The following ABLIM2 variants were observed in gnomAD, a reference collection of about 807,000 sequenced individuals.
ABLIM2 encodes actin binding LIM protein family member 2, also known as actin-binding LIM protein 2.
Under a neutral mutation model 97.7 loss-of-function variants are expected in ABLIM2, and 53 were observed. The ratio of observed to expected loss-of-function variants is 0.54; its 90% confidence interval spans 0.44 to 0.68. ABLIM2 has a LOEUF of 0.68. ABLIM2 is among the 30% of genes least tolerant of loss of function. The pLI is 0.00. For missense variants in ABLIM2, 835 were observed against 867.2 expected (o/e 0.96, Z 0.47); for synonymous variants, 361 against 345.8 (o/e 1.04, Z -0.49).
intron 8 of ABLIM2, among the ~76,000 whole-genome samples, chr4:8,050,801 C>A (rs2151903197): frequency 6.6e-6 from 1 of 152,358 alleles, no homozygotes; most frequent in African/African-American, 2.4e-5. Flanking sequence ...GGGAGCCACG[C>A]CAGTCCCTGG....
At position 8,032,164 on chromosome 4, in the gene ABLIM2, G is replaced by A. The variant is rs1579196362; in HGVS notation, c.1048-2388C>T. Among the ~76,000 whole-genome samples the A allele has an allele frequency of 6.6e-6, 1 of 150,874 alleles. No individual in the cohort carries two copies. The highest frequency in any genetic ancestry group is 6.6e-5 in the Admixed American group (1 of 15,166). On this transcript the variant is annotated intron_variant, in intron 10 of 20. Coordinates refer to ENST00000447017, the MANE Select transcript of ABLIM2 (RefSeq NM_001130083.2). The surrounding 1 kb of genome is among the most constrained non-coding windows in gnomAD (Gnocchi z 4.3). ...GGCCGCACAGACTGCAGTCTGATTG[G>A]CAGCTCTCTATGTCACTGATTAATT...
intron 1 of ABLIM2, among the ~76,000 whole-genome samples, chr4:8,151,108 A>G (rs1272802113): frequency 6.6e-6 from 1 of 152,112 alleles, no homozygotes; most frequent in Non-Finnish European, 1.5e-5. Flanking sequence ...GGGCATTTAA[A>G]CAATCCGCTT....
At chr4:8,055,256 C>T (rs1233610596) in intron 7 of ABLIM2, among the ~76,000 whole-genome samples, 1 of 152,224 alleles carries the variant, frequency 6.6e-6, no homozygotes, top group Non-Finnish European at 1.5e-5. Flanking sequence ...ACCTTCCCAT[C>T]CTTCAGGATC....
chr4:8,005,429 C>T lies in ABLIM2; in HGVS notation c.1618+2630G>A, dbSNP rs199719260. 1.1e-4 allele frequency: 57 copies of T among 533,166 alleles called. No homozygotes were observed. Among genetic ancestry groups the T allele is most frequent in the African/African-American group, 2.1e-4 (11 of 51,904 alleles). The allele number at this position is 533,166 out of a possible 1,614,324, so 33.0% of individuals were successfully genotyped here. ...TTGGGCGCGCTACAGATGGACGTCC[C>T]GGGGTGCAGGTGGCGTGCCTTGCTG... On this transcript the variant is annotated intron_variant, in intron 16 of 20. Coordinates refer to ENST00000447017, the MANE Select transcript of ABLIM2 (RefSeq NM_001130083.2). The surrounding 1 kb of genome is among the most constrained non-coding windows in gnomAD (Gnocchi z 4.9).
chr4:8,078,818 A>G (rs1208863740), intron 5 of ABLIM2, among the ~76,000 whole-genome samples: 1 of 152,226 alleles, frequency 6.6e-6, no homozygotes, highest in Non-Finnish European at 1.5e-5. Context: ...GTCATTACTA[A>G]CCAGGGCTGT....
At chr4:8,153,860 G>A (rs990366618) in intron 1 of ABLIM2, among the ~76,000 whole-genome samples, 1 of 152,160 alleles carries the variant, frequency 6.6e-6, no homozygotes, top group Non-Finnish European at 1.5e-5. Flanking sequence ...GATGGGCACC[G>A]ACGGCACTTC....
chr4:7,966,500 A>G lies in ABLIM2; in HGVS notation c.*490T>C. The G allele has an allele frequency of 6.2e-6, 1 of 161,274 alleles. No individual in the cohort carries two copies. The highest frequency in any genetic ancestry group is 1.4e-5 in the Non-Finnish European group (1 of 73,084). The allele number at this position is 161,274 out of a possible 1,614,324, so 10.0% of individuals were successfully genotyped here. ...CACCCCACTCTTGGCACTGTCCCAGACGCTCACTGCCCCGTCTGCGAGTCT... is the reference window on the plus strand; with the variant it reads ...CACCCCACTCTTGGCACTGTCCCAGGCGCTCACTGCCCCGTCTGCGAGTCT... On this transcript the variant is annotated 3_prime_UTR_variant, in exon 21 of 21. Transcript: ENST00000447017.
intron 2 of ABLIM2, 25 bp from the exon 3 acceptor site, chr4:8,097,307 G>A (rs1461701338): frequency 8.4e-6 from 13 of 1,550,368 alleles, no homozygotes; most frequent in Admixed American, 7.9e-5. Flanking sequence ...GCGAGGTGGC[G>A]TTAGCGGCAG....
rs539964447 is a variant in ABLIM2 at position 8,155,573 on chromosome 4, A to T, written c.10+3107T>A. Among the ~76,000 whole-genome samples, 2 of 152,324 alleles carry T rather than the reference A, an allele frequency of 1.3e-5. No homozygotes were observed. Among genetic ancestry groups the T allele is most frequent in the African/African-American group, 4.8e-5 (2 of 41,568 alleles). On this transcript the variant is annotated intron_variant, in intron 1 of 20. Coordinates refer to ENST00000447017, the MANE Select transcript of ABLIM2 (RefSeq NM_001130083.2). The surrounding 1 kb of genome is among the most constrained non-coding windows in gnomAD (Gnocchi z 4.2). Reference sequence around the variant, plus strand: ...CCGCCCTTGGCCCCGCACCCCTGTTATGGACTGAATTGTCTAAATTCATAT... The same window carrying T: ...CCGCCCTTGGCCCCGCACCCCTGTTTTGGACTGAATTGTCTAAATTCATAT...
At chr4:8,011,049 A>G (rs980267620) in intron 14 of ABLIM2, among the ~76,000 whole-genome samples, 20 of 152,216 alleles carry the variant, frequency 1.3e-4, no homozygotes, top group Non-Finnish European at 2.9e-5. Flanking sequence ...TCTTGGAATA[A>G]TCTGCACGTG....
chr4:8,148,294 T>C lies in ABLIM2; in HGVS notation c.10+10386A>G, dbSNP rs762304714. Among the ~76,000 whole-genome samples, 16 of 152,160 alleles carry C rather than the reference T, an allele frequency of 1.1e-4. No homozygotes were observed. Among genetic ancestry groups the C allele is most frequent in the Non-Finnish European group, 2.4e-4 (16 of 68,022 alleles). On this transcript the variant is annotated intron_variant, in intron 1 of 20. Coordinates refer to ENST00000447017, the MANE Select transcript of ABLIM2 (RefSeq NM_001130083.2). The surrounding 1 kb of genome is among the most constrained non-coding windows in gnomAD (Gnocchi z 6.7). ...AGGATGAGCTGGTGGATGAGAGGGCTGCAGCTGCAGGTGACCTAAGCAGCA... is the reference window on the plus strand; with the variant it reads ...AGGATGAGCTGGTGGATGAGAGGGCCGCAGCTGCAGGTGACCTAAGCAGCA...
At chr4:8,010,409 A>T (rs1764161313) in intron 14 of ABLIM2, 1 of 985,790 alleles carries the variant, frequency 1.0e-6, no homozygotes. Context: ...CAGGAAGGAC[A>T]CGCCGAGGTG....
Position 8,077,621 on chromosome 4 carries a change from C to T in ABLIM2, c.675+7G>A, listed in dbSNP as rs1239675217. 1.7e-5 allele frequency: 28 copies of T among 1,603,536 alleles called. No homozygotes were observed. The highest frequency in any genetic ancestry group is 6.7e-5 in the African/African-American group (5 of 74,748). ...GAGCGGGCAGGGGCCCGGCCCGCCG[C>T]GCTTACCTCCAGCACGCGCCCCGTG... On this transcript the variant is annotated splice_region_variant and intron_variant, in intron 6 of 20. Transcript: ENST00000447017.
At chr4:8,096,415 T>G (rs951623948) in intron 3 of ABLIM2, among the ~76,000 whole-genome samples, 2 of 152,170 alleles carry the variant, frequency 1.3e-5, no homozygotes, top group African/African-American at 4.8e-5. Flanking sequence ...ACTCGGATAA[T>G]CCCTGGGAGA....
intron 12 of ABLIM2, among the ~76,000 whole-genome samples, chr4:8,025,340 G>C (rs111834807): frequency 8.5e-5 from 13 of 152,244 alleles, no homozygotes; most frequent in Non-Finnish European, 1.8e-4. Context: ...GGTCTCAAAG[G>C]GAAGGTGCCT....
At chr4:8,100,929 A>C (rs1184331843) in intron 2 of ABLIM2, among the ~76,000 whole-genome samples, 2 of 152,202 alleles carry the variant, frequency 1.3e-5, no homozygotes, top group Non-Finnish European at 2.9e-5. Flanking sequence ...AGGAATCTGC[A>C]TGGTGAGGAA....
chr4:8,117,479 A>AAGACTCCACCCACTGC (rs1491348586), intron 1 of ABLIM2, among the ~76,000 whole-genome samples: 1 of 149,208 alleles, frequency 6.7e-6, no homozygotes, highest in East Asian at 2.0e-4. Flanking sequence ...TCCACGCACT[A>AAGACTCCACCCACTGC]AGACTCCACC....
rs1208987178 is a variant in ABLIM2, at chr4:8,019,390, C to T, written c.1423+228G>A. 1.3e-5 allele frequency among the ~76,000 whole-genome samples: 2 copies of T among 152,192 alleles called. No homozygotes were observed. The highest frequency in any genetic ancestry group is 2.1e-4 in the South Asian group (1 of 4,822). ...GGCTGATGTGCATTAGCCTCGGCGT[C>T]GTAACGCACAGAAGTTCCTTACTCA... On this transcript the variant is annotated intron_variant, in intron 14 of 20. Coordinates refer to ENST00000447017, the MANE Select transcript of ABLIM2 (RefSeq NM_001130083.2). This position sits in a 1 kb window ranked among gnomAD's most constrained non-coding sequence, Gnocchi z 4.3.
intron 17 of ABLIM2, among the ~76,000 whole-genome samples, chr4:7,990,817 A>G (rs1748108339): frequency 1.3e-5 from 2 of 152,234 alleles, no homozygotes; most frequent in Admixed American, 6.5e-5. Context: ...TCACTGAGAA[A>G]AAGGCATAAC....
Sources: allele counts gnomAD v4.1 joint callset (sites outside exome capture counted in the v4.1 genomes callset), GRCh38; gene constraint gnomAD v4.1.1; non-coding constraint Gnocchi (gnomAD v3.1); transcripts MANE v1.5; gene names NCBI Gene and HGNC (gene_info 2026-07-23, HGNC 2026-07-21).